CTXND1: variants seen among roughly 807,000 people sequenced by gnomAD.
The protein encoded by CTXND1 is cortexin domain containing 1.
chr15:80,248,164 T>A (rs1320702380), intron 1 of CTXND1, among the ~76,000 whole-genome samples: 1 of 152,210 alleles, frequency 6.6e-6, no homozygotes, highest in Non-Finnish European at 1.5e-5. Flanking sequence ...CCCTCTCACA[T>A]ACAAATGAAC....
rs538279617 is a variant in CTXND1 at position 80,196,205 on chromosome 15, G to A, written c.*5565C>T. On this transcript the variant is annotated 3_prime_UTR_variant, in exon 3 of 3. Coordinates refer to ENST00000560778, the MANE Select transcript of CTXND1 (RefSeq NM_001352888.2). ...CAATGCTGTCCATCCGTGGACCATA[G>A]TTTGAGTAGTGTTGCCCTAGAGCAC... 44 of 152,286 alleles carry A rather than the reference G, an allele frequency of 2.9e-4. No homozygotes were observed. The highest frequency in any genetic ancestry group is 9.6e-4 in the African/African-American group (40 of 41,538). 9.4% of individuals were successfully genotyped at this position (152,286 alleles called of 1,614,324 possible).
chr15:80,214,384 T>G (rs896373131), intron 1 of CTXND1, among the ~76,000 whole-genome samples: 2 of 152,162 alleles, frequency 1.3e-5, no homozygotes, highest in African/African-American at 4.8e-5. Flanking sequence ...TTTCAAATGT[T>G]TGTGGAATAT....
chr15:80,203,968 G>A (rs1160851877), intron 1 of CTXND1, among the ~76,000 whole-genome samples: 1 of 150,468 alleles, frequency 6.6e-6, no homozygotes, highest in African/African-American at 2.4e-5. Flanking sequence ...TCAGGAGTTC[G>A]AGACCAGCAT....
chr15:80,220,716 T>C (rs1893305457), intron 1 of CTXND1, among the ~76,000 whole-genome samples: 1 of 152,122 alleles, frequency 6.6e-6, no homozygotes, highest in African/African-American at 2.4e-5. Context: ...TCATGTGTTA[T>C]AATTTTCCCC....
At chr15:80,216,575 G>A (rs1485275776) in intron 1 of CTXND1, among the ~76,000 whole-genome samples, 2 of 151,900 alleles carry the variant, frequency 1.3e-5, no homozygotes, top group Admixed American at 6.6e-5. Context: ...AAGTGATGAC[G>A]CTGGAGATCA....
intron 2 of CTXND1, among the ~76,000 whole-genome samples, chr15:80,202,411 G>A (rs915584386): frequency 6.6e-6 from 1 of 152,156 alleles, no homozygotes; most frequent in Non-Finnish European, 1.5e-5. Flanking sequence ...CACTATCTGA[G>A]GGTGATCTGA....
At chr15:80,205,875 C>T (rs561194928) in intron 1 of CTXND1, among the ~76,000 whole-genome samples, 6 of 152,106 alleles carry the variant, frequency 3.9e-5, no homozygotes, top group Non-Finnish European at 7.3e-5. Context: ...GCTTTCTGTA[C>T]AGTGAGCAAC....
At chr15:80,204,199 T>TATATATATATATAC (rs1267164168) in intron 1 of CTXND1, among the ~76,000 whole-genome samples, 14 of 26,774 alleles carry the variant, frequency 5.2e-4, no homozygotes, top group African/African-American at 1.4e-3. Context: ...TATATATATA[T>TATATATATATATAC]ACACAAACAC....
intron 1 of CTXND1, among the ~76,000 whole-genome samples, chr15:80,236,658 C>T (rs546287502): frequency 1.3e-5 from 2 of 152,180 alleles, no homozygotes; most frequent in African/African-American, 4.8e-5. Context: ...TGGTGTGCAC[C>T]TGTAGTCCTA....
intron 1 of CTXND1, among the ~76,000 whole-genome samples, chr15:80,242,365 G>A (rs1893578901): frequency 6.6e-6 from 1 of 152,232 alleles, no homozygotes; most frequent in Admixed American, 6.5e-5. Context: ...GTTAAACAAC[G>A]TGGAAGCCTT....
chr15:80,221,258 G>T (rs1272945106), intron 1 of CTXND1, among the ~76,000 whole-genome samples: 1 of 152,100 alleles, frequency 6.6e-6, no homozygotes, highest in Non-Finnish European at 1.5e-5. Context: ...AAATCATAAT[G>T]CCCGCCAAGA....
intron 1 of CTXND1, among the ~76,000 whole-genome samples, chr15:80,231,260 T>C (rs1285938379): frequency 6.6e-6 from 1 of 151,898 alleles, no homozygotes; most frequent in Admixed American, 6.6e-5. Flanking sequence ...CCCTCAATGC[T>C]CCCTCATTAT....
intron 1 of CTXND1, among the ~76,000 whole-genome samples, chr15:80,220,032 T>C (rs1484859094): frequency 1.3e-5 from 2 of 152,172 alleles, no homozygotes; most frequent in Non-Finnish European, 2.9e-5. Context: ...CATTAATCTT[T>C]TCTTTTATAA....
At chr15:80,234,953 A>G (rs1466676736) in intron 1 of CTXND1, among the ~76,000 whole-genome samples, 2 of 152,216 alleles carry the variant, frequency 1.3e-5, no homozygotes, top group Non-Finnish European at 2.9e-5. Flanking sequence ...AGCAAGATGC[A>G]GAGAGCAGCA....
chr15:80,243,087 G>A (rs1325069128), intron 1 of CTXND1, among the ~76,000 whole-genome samples: 1 of 152,152 alleles, frequency 6.6e-6, no homozygotes, highest in East Asian at 1.9e-4. Context: ...CTTCATTCAG[G>A]AAGGAAGCCG....
chr15:80,201,720 G>C lies in CTXND1; in HGVS notation c.*50C>G. On this transcript the variant is annotated 3_prime_UTR_variant, in exon 3 of 3. Coordinates refer to ENST00000560778, the MANE Select transcript of CTXND1 (RefSeq NM_001352888.2). ...CAGGGAACACACGGATGCATCCTGG[G>C]GCACAGCCACCCACAGAGCGCCAGG... 1 of 398,454 alleles carries C rather than the reference G, an allele frequency of 2.5e-6. No homozygotes were observed. Among genetic ancestry groups the C allele is most frequent in the Non-Finnish European group, 4.4e-6 (1 of 226,166 alleles). 24.7% of individuals were successfully genotyped at this position (398,454 alleles called of 1,614,324 possible). A position where few individuals can be genotyped will look rare whatever the true frequency, so the allele number is the denominator to read the frequency against.
At chr15:80,218,920 G>A (rs1893283034) in intron 1 of CTXND1, among the ~76,000 whole-genome samples, 3 of 140,882 alleles carry the variant, frequency 2.1e-5, no homozygotes, top group South Asian at 4.9e-4. Context: ...ACCATACTGA[G>A]TGTTATTTTC....
chr15:80,228,745 C>T (rs755528828), intron 1 of CTXND1, among the ~76,000 whole-genome samples: 2 of 151,524 alleles, frequency 1.3e-5, no homozygotes, highest in Non-Finnish European at 2.9e-5. Flanking sequence ...TTCTCTGCCT[C>T]AGCCTCCCGA....
At chr15:80,225,481 A>T (rs1471306119) in intron 1 of CTXND1, among the ~76,000 whole-genome samples, 1 of 152,164 alleles carries the variant, frequency 6.6e-6, no homozygotes, top group Non-Finnish European at 1.5e-5. Flanking sequence ...TTATACAAAT[A>T]TACAGATAGC....
Sources: allele counts gnomAD v4.1 joint callset (sites outside exome capture counted in the v4.1 genomes callset), GRCh38; gene constraint gnomAD v4.1.1; transcripts MANE v1.5; gene names NCBI Gene and HGNC (gene_info 2026-07-23, HGNC 2026-07-21).